The following SETD4 variants were observed in gnomAD, a reference collection of about 807,000 sequenced individuals.
SETD4 encodes the protein SET domain containing 4.
SETD4 carries 46 observed loss-of-function variants against 58.3 expected under a neutral mutation model. The ratio of observed to expected loss-of-function variants is 0.79; its 90% confidence interval spans 0.62 to 1.01. SETD4 has a LOEUF of 1.01. Ranked by LOEUF, SETD4 falls within the 50% of genes least tolerant of loss-of-function variation. SETD4 has a pLI of 0.00. For synonymous variants in SETD4, 190 were observed against 202.6 expected, an observed-to-expected ratio of 0.94 and a Z score of 0.53; for missense variants, 490 against 523.3, an observed-to-expected ratio of 0.94 and a Z score of 0.62.
At position 36,035,905 on chromosome 21, in the gene SETD4, T is replaced by G; in HGVS notation, c.*88A>C. 1 of 592,974 alleles carries G rather than the reference T, an allele frequency of 1.7e-6. No individual in the cohort carries two copies. The highest frequency in any genetic ancestry group is 2.9e-6 in the Non-Finnish European group (1 of 342,534). The allele number at this position is 592,974 out of a possible 1,614,324, so 36.7% of individuals were successfully genotyped here. On this transcript the variant is annotated 3_prime_UTR_variant, in exon 12 of 12. Coordinates refer to ENST00000332131, the MANE Select transcript of SETD4 (RefSeq NM_017438.5). ...CCCCCTGCAGAAATCCTGCATGTCC[T>G]GGGGGCAGCCACCACCCCAGCCCAT...
chr21:36,040,777 C>G, intron 8 of SETD4, 122 bp from the exon 9 acceptor site: 1 of 793,112 alleles, frequency 1.3e-6, no homozygotes, highest in Non-Finnish European at 2.1e-6. Flanking sequence ...AACCTGCAAC[C>G]TCGGCCAAAG....
In SETD4 at chr21:36,050,694, A is replaced by G. The variant is rs2064630209; in HGVS notation, c.208-2298T>C. 3 of 1,604,458 alleles carry G rather than the reference A, an allele frequency of 1.9e-6. No homozygotes were observed. The South Asian group carries it at 3.3e-5, about 18-fold the overall frequency. On this transcript the variant is annotated intron_variant, in intron 4 of 11. Coordinates refer to ENST00000332131, the MANE Select transcript of SETD4 (RefSeq NM_017438.5). ...GGAGTTCCCAATGGTAGTAAAGAAT[A>G]CGCGGGGTCATAGAGGTAAAGCTGT...
rs377131417 is a variant in SETD4, at chr21:36,043,858, G to T, written c.825C>A (p.His275Gln). The change falls in exon 7 of 12, where the codon CAC becomes CAA. Residue 275 changes from histidine to glutamine, a missense_variant. His to Gln is a conservative substitution (Grantham distance 24, BLOSUM62 0). Transcript: ENST00000332131. The part of the protein sequence containing the change: ...HEEVFICYGP[H>Q]DNQRLFLEYG... ...ATTCCAGGAACAGCCGTTGATTATCGTGAGGGCCGTAACAGATGAATACCT... is the reference window on the plus strand; with the variant it reads ...ATTCCAGGAACAGCCGTTGATTATCTTGAGGGCCGTAACAGATGAATACCT... 1.2e-6 allele frequency: 2 copies of T among 1,614,180 alleles called. No homozygotes were observed. Among genetic ancestry groups the T allele is most frequent in the African/African-American group, 1.3e-5 (1 of 75,054 alleles).
intron 8 of SETD4, 42 bp from the exon 9 acceptor site, chr21:36,040,697 T>C (rs2064007809): frequency 1.3e-6 from 2 of 1,552,380 alleles, no homozygotes; most frequent in Non-Finnish European, 1.8e-6. Flanking sequence ...ATCATTTCAG[T>C]ATTTCATGAC....
chr21:36,048,146 C>A (rs1325996356), intron 5 of SETD4, among the ~76,000 whole-genome samples, 162 bp downstream of exon 5: 3 of 151,788 alleles, frequency 2.0e-5, no homozygotes, highest in African/African-American at 7.3e-5. Context: ...GGAGGGAGGG[C>A]AAACTTTCTA....
At chr21:36,044,388 A>C (rs1025481802) in intron 6 of SETD4, among the ~76,000 whole-genome samples, 4 of 152,236 alleles carry the variant, frequency 2.6e-5, no homozygotes, top group African/African-American at 9.6e-5. Context: ...AACCATTCTT[A>C]GCTCAGGGCT....
At position 36,035,614 on chromosome 21, in the gene SETD4, C is replaced by T; in HGVS notation, c.*379G>A. The T allele has an allele frequency of 5.3e-6, 1 of 187,554 alleles. No individual in the cohort carries two copies. The highest frequency in any genetic ancestry group is 1.1e-5 in the Non-Finnish European group (1 of 89,294). The allele number at this position is 187,554 out of a possible 1,614,324, so 11.6% of individuals were successfully genotyped here. A position where few individuals can be genotyped will look rare whatever the true frequency, so the allele number is the denominator to read the frequency against. ...GGGGATCCAGGACTACCTCACACTG[C>T]CCCACACCCACCGCCAATCTGCCCC... On this transcript the variant is annotated 3_prime_UTR_variant, in exon 12 of 12. Coordinates refer to ENST00000332131, the MANE Select transcript of SETD4 (RefSeq NM_017438.5).
At chr21:36,047,760 G>A (rs930518422) in intron 5 of SETD4, among the ~76,000 whole-genome samples, 1 of 150,336 alleles carries the variant, frequency 6.7e-6, no homozygotes, top group East Asian at 2.0e-4. Flanking sequence ...GGAGGCTGAG[G>A]CGAGTGGATC....
intron 3 of SETD4, among the ~76,000 whole-genome samples, chr21:36,056,733 CT>C (rs887376122): frequency 1.3e-5 from 2 of 152,028 alleles, no homozygotes; most frequent in Non-Finnish European, 2.9e-5. Context: ...AACTTTTGTA[CT>C]TTTAGTAGAG....
intron 10 of SETD4, chr21:36,036,461 C>A (rs541138229): frequency 2.3e-5 from 7 of 302,250 alleles, no homozygotes; most frequent in African/African-American, 1.1e-4. Flanking sequence ...AACCCTATTC[C>A]CCTCTTCCCC....
chr21:36,059,988 C>T (rs986308182), intron 1 of SETD4: 26 of 985,568 alleles, frequency 2.6e-5, no homozygotes, highest in Non-Finnish European at 3.1e-5. Context: ...GCCCGGTGAC[C>T]GCCACAGACA....
chr21:36,053,491 G>A (rs1008611336), intron 4 of SETD4, 92 bp downstream of exon 4: 2 of 1,237,006 alleles, frequency 1.6e-6, no homozygotes, highest in African/African-American at 1.5e-5. Context: ...ATGACTGTAT[G>A]TCTGAAATTT....
chr21:36,059,966 G>GCACCCACGT, intron 1 of SETD4: 1 of 985,648 alleles, frequency 1.0e-6, no homozygotes. Context: ...ACCCTGCTGA[G>GCACCCACGT]GACCACGTGA....
chr21:36,038,425 T>C (rs1601193144), intron 9 of SETD4, 152 bp from the exon 10 acceptor site: 2 of 978,898 alleles, frequency 2.0e-6, no homozygotes, highest in East Asian at 2.5e-5. Context: ...TCCATGCCAC[T>C]TGCAGCTCCC....
intron 4 of SETD4, chr21:36,050,743 A>G: frequency 6.2e-7 from 1 of 1,612,652 alleles, no homozygotes; most frequent in Non-Finnish European, 8.5e-7. Flanking sequence ...GATAAGCACC[A>G]TTTGGCTGAT....
chr21:36,049,436 T>A (rs1161808945), intron 4 of SETD4, among the ~76,000 whole-genome samples: 1 of 152,144 alleles, frequency 6.6e-6, no homozygotes, highest in Non-Finnish European at 1.5e-5. Context: ...ACACCTGTCA[T>A]CCCAGCTACT....
intron 1 of SETD4, chr21:36,059,968 A>T: frequency 7.1e-6 from 7 of 985,628 alleles, no homozygotes; most frequent in Non-Finnish European, 8.4e-6. Context: ...CCTGCTGAGG[A>T]CCACGTGAAG....
At chr21:36,037,634 GA>G (rs1031223248) in intron 10 of SETD4, among the ~76,000 whole-genome samples, 6 of 148,628 alleles carry the variant, frequency 4.0e-5, no homozygotes, top group African/African-American at 1.5e-4. Context: ...AAAAGAAAAA[GA>G]AAAAATAAAA....
In SETD4 at chr21:36,035,106, G is replaced by A. The variant is rs757943666; in HGVS notation, c.*887C>T. ...CAGGACTCTGGGCAACATTGTCTAAGCGGCGTCCCCAGCACGGGCCTGAAC... is the reference window on the plus strand; with the variant it reads ...CAGGACTCTGGGCAACATTGTCTAAACGGCGTCCCCAGCACGGGCCTGAAC... On this transcript the variant is annotated 3_prime_UTR_variant, in exon 12 of 12. Coordinates refer to ENST00000332131, the MANE Select transcript of SETD4 (RefSeq NM_017438.5). The A allele has an allele frequency of 1.3e-5, 2 of 152,238 alleles. No individual in the cohort carries two copies. Among genetic ancestry groups the A allele is most frequent in the Admixed American group, 1.3e-4 (2 of 15,278 alleles). 9.4% of individuals were successfully genotyped at this position (152,238 alleles called of 1,614,324 possible). A position where few individuals can be genotyped will look rare whatever the true frequency, so the allele number is the denominator to read the frequency against.
Sources: gnomAD v4.1 joint callset for allele counts (sites outside exome capture counted in the v4.1 genomes callset) on GRCh38, gnomAD v4.1.1 for gene constraint, MANE v1.5 for transcripts, NCBI Gene and HGNC (gene_info 2026-07-23, HGNC 2026-07-21) for gene names.